The following MAF variants were observed in gnomAD, a reference collection of about 807,000 sequenced individuals.
MAF encodes transcription factor Maf.
A neutral mutation model predicts 22.0 loss-of-function variants in MAF; 10 were observed. The ratio of observed to expected loss-of-function variants is 0.45; its 90% confidence interval spans 0.28 to 0.77. The LOEUF (loss-of-function observed/expected upper bound fraction) is 0.77. MAF is among the 30% of genes least tolerant of loss of function. The pLI is 0.12. For missense variants in MAF, 544 were observed against 548.4 expected, an observed-to-expected ratio of 0.99 and a Z score of 0.08; for synonymous variants, 337 against 255.8, an observed-to-expected ratio of 1.32 and a Z score of -3.03.
chr16:79,346,835 A>T, the MAF span, among the ~76,000 whole-genome samples: 130 of 152,234 alleles, frequency 8.5e-4, 2 homozygotes, highest in Non-Finnish European at 1.5e-3. Flanking sequence ...GTCCTTTTGC[A>T]CTTTTTTCCT....
chr16:79,544,410 G>A, the MAF span, among the ~76,000 whole-genome samples: 115 of 152,180 alleles, frequency 7.6e-4, no homozygotes, highest in Middle Eastern at 3.4e-3. Context: ...ATGTAGAGAT[G>A]GAGGTATTTT....
chr16:79,413,073 T>C, the MAF span, among the ~76,000 whole-genome samples: 1 of 151,962 alleles, frequency 6.6e-6, no homozygotes, highest in Non-Finnish European at 1.5e-5. Context: ...CCAAGAAGCC[T>C]CTCTCTCTCC....
At chr16:79,357,457 A>T in the MAF span, among the ~76,000 whole-genome samples, 1 of 152,142 alleles carries the variant, frequency 6.6e-6, no homozygotes, top group African/African-American at 2.4e-5. Context: ...ACAAAACAGA[A>T]ATAAAAACTA....
the MAF span, among the ~76,000 whole-genome samples, chr16:79,512,766 G>A: frequency 6.6e-5 from 10 of 152,198 alleles, no homozygotes; most frequent in South Asian, 4.1e-4. Flanking sequence ...AAAAATGTGG[G>A]TTTGCTGGTA....
chr16:79,391,210 C>T, the MAF span, among the ~76,000 whole-genome samples: 1 of 152,314 alleles, frequency 6.6e-6, no homozygotes, highest in South Asian at 2.1e-4. Context: ...TCAACCTCTG[C>T]ACCCTGGTTC....
At chr16:79,344,240 G>C in the MAF span, among the ~76,000 whole-genome samples, 2 of 152,162 alleles carry the variant, frequency 1.3e-5, no homozygotes, top group African/African-American at 4.8e-5. Flanking sequence ...TGCAGGTGAG[G>C]AAACTGAGGC....
At chr16:79,358,409 T>C in the MAF span, among the ~76,000 whole-genome samples, 2,152 of 152,216 alleles carry the variant, frequency 0.014, 15 homozygotes, top group Middle Eastern at 0.031. Flanking sequence ...ACTGATCCCC[T>C]AGCTGTGATT....
At chr16:79,547,297 A>T in the MAF span, among the ~76,000 whole-genome samples, 1 of 152,002 alleles carries the variant, frequency 6.6e-6, no homozygotes, top group East Asian at 1.9e-4. Context: ...ACACACACAC[A>T]CATACTCCTA....
At chr16:79,425,514 GTTC>G in the MAF span, among the ~76,000 whole-genome samples, 8 of 152,144 alleles carry the variant, frequency 5.3e-5, no homozygotes, top group Admixed American at 3.9e-4. Context: ...GTTGAATAAA[GTTC>G]TTCTTTCTTT....
the MAF span, among the ~76,000 whole-genome samples, chr16:79,539,206 TTAAG>T: frequency 2.6e-5 from 4 of 152,244 alleles, no homozygotes; most frequent in African/African-American, 9.6e-5. Flanking sequence ...ATTATATGCA[TTAAG>T]TTTTAAAATT....
the MAF span, among the ~76,000 whole-genome samples, chr16:79,480,638 G>T: frequency 2.6e-5 from 4 of 152,150 alleles, no homozygotes; most frequent in Non-Finnish European, 4.4e-5. Flanking sequence ...GTTGGGGAGA[G>T]GTATCTCTAT....
At chr16:79,488,032 T>C in the MAF span, among the ~76,000 whole-genome samples, 2 of 152,190 alleles carry the variant, frequency 1.3e-5, no homozygotes, top group African/African-American at 4.8e-5. Context: ...GTGGAAGAAC[T>C]ATTTGCATCA....
chr16:79,560,918 C>G, the MAF span, among the ~76,000 whole-genome samples: 2 of 152,212 alleles, frequency 1.3e-5, no homozygotes, highest in Non-Finnish European at 2.9e-5. Context: ...AATTCAACAG[C>G]CATGTAGGTC....
chr16:79,531,581 C>T, the MAF span, among the ~76,000 whole-genome samples: 1 of 152,126 alleles, frequency 6.6e-6, no homozygotes, highest in Non-Finnish European at 1.5e-5. Context: ...TGTGACAGAT[C>T]ATCAGGCATT....
the MAF span, among the ~76,000 whole-genome samples, chr16:79,390,827 C>A: frequency 1.3e-5 from 2 of 152,184 alleles, no homozygotes; most frequent in Non-Finnish European, 2.9e-5. Flanking sequence ...TTGGAGCATG[C>A]CGCCGTGGGG....
the MAF span, among the ~76,000 whole-genome samples, chr16:79,513,800 T>C: frequency 6.6e-6 from 1 of 152,142 alleles, no homozygotes; most frequent in Non-Finnish European, 1.5e-5. Flanking sequence ...TACTACCTAA[T>C]AGTATTGCTT....
At chr16:79,527,638 A>C in the MAF span, among the ~76,000 whole-genome samples, 1 of 152,144 alleles carries the variant, frequency 6.6e-6, no homozygotes, top group Middle Eastern at 3.4e-3. Flanking sequence ...TACAATCATT[A>C]AGGGGGGGGT....
the MAF span, among the ~76,000 whole-genome samples, chr16:79,218,997 C>T: frequency 1.3e-5 from 2 of 152,190 alleles, no homozygotes; most frequent in Admixed American, 1.3e-4. Flanking sequence ...TACTTCTTCC[C>T]AGCTGATGCA....
chr16:79,534,301 G>C, the MAF span, among the ~76,000 whole-genome samples: 1 of 152,140 alleles, frequency 6.6e-6, no homozygotes, highest in African/African-American at 2.4e-5. Flanking sequence ...TCTTCCTCCT[G>C]TGTCTCCTTC....
Sources: allele counts gnomAD v4.1 joint callset (sites outside exome capture counted in the v4.1 genomes callset), GRCh38; gene constraint gnomAD v4.1.1; transcripts MANE v1.5; gene names NCBI Gene and HGNC (gene_info 2026-07-23, HGNC 2026-07-21).